The following PDE4DIP variants were observed in gnomAD, a reference collection of about 807,000 sequenced individuals.
PDE4DIP encodes myomegalin.
In PDE4DIP, 59 loss-of-function variants were observed where a neutral mutation model predicts 221.4. That is an observed-to-expected ratio of 0.27 (90% CI 0.22 to 0.33). PDE4DIP has a LOEUF of 0.33. PDE4DIP is among the 10% of genes least tolerant of loss of function. The pLI is 1.00. For missense variants in PDE4DIP, 1,036 were observed against 2,154.2 expected (o/e 0.48, Z 10.28); for synonymous variants, 404 against 815.9 (o/e 0.50, Z 8.60).
chr1:149,001,076 G>A (rs1479844098), intron 23 of PDE4DIP, among the ~76,000 whole-genome samples: 3 of 152,168 alleles, frequency 2.0e-5, no homozygotes, highest in African/African-American at 7.2e-5. Context: ...TATCACGTGA[G>A]CCAGACATAA....
At chr1:148,818,093 C>T (rs1321861746) in intron 1 of PDE4DIP, among the ~76,000 whole-genome samples, 24 of 149,760 alleles carry the variant, frequency 1.6e-4, no homozygotes, top group South Asian at 2.1e-4. Context: ...GGATTACAGG[C>T]GTGAGGCACT....
intron 1 of PDE4DIP, among the ~76,000 whole-genome samples, chr1:148,912,293 G>T (rs2042918618): frequency 6.8e-6 from 1 of 146,620 alleles, no homozygotes; most frequent in Non-Finnish European, 1.5e-5. Flanking sequence ...TTGGCAGTTT[G>T]CATTGCCACT....
chr1:149,013,968 T>G (rs1575392414), intron 32 of PDE4DIP, among the ~76,000 whole-genome samples: 1 of 151,820 alleles, frequency 6.6e-6, no homozygotes, highest in South Asian at 2.1e-4. Flanking sequence ...TTGTATTTTT[T>G]GTAGAGACAG....
In PDE4DIP at chr1:149,018,577, TC is replaced by T; in HGVS notation, c.5688del (p.Ile1897TyrfsTer22). The T allele has an allele frequency of 6.9e-7, 1 of 1,453,858 alleles. No homozygotes were observed. The highest frequency in any genetic ancestry group is 9.7e-7 in the Non-Finnish European group (1 of 1,034,420). The allele number at this position is 1,453,858 out of a possible 1,614,324, so 90.1% of individuals were successfully genotyped here. ...TAACTTCTACAGTCAGGGCCTGGAG[TC>T]CATACCTCAGCTCTGCAATGAGAAC... On this transcript the variant is annotated frameshift_variant, in exon 35 of 44. Transcript: ENST00000369354. LOFTEE classifies it high-confidence loss of function.
chr1:148,985,821 G>A (rs587728523), intron 21 of PDE4DIP: 1 of 152,152 alleles, frequency 6.6e-6, no homozygotes, highest in South Asian at 2.1e-4. Flanking sequence ...ATCAGAAAAT[G>A]TTGTATTTAA....
chr1:149,023,584 TGTC>T lies in PDE4DIP; in HGVS notation c.6086-860_6086-858del, dbSNP rs781996595. On this transcript the variant is annotated intron_variant, in intron 37 of 43. Transcript: ENST00000369354. Reference sequence around the variant, plus strand: ...GTGCATGTATATATATGTGTGTACATGTCATATATGTACATGTATATGTGTGCA... The same window carrying T: ...GTGCATGTATATATATGTGTGTACATATATATGTACATGTATATGTGTGCA... Among the ~76,000 whole-genome samples, 9 of 145,710 alleles carry T rather than the reference TGTC, an allele frequency of 6.2e-5. 1 individual carries two copies. The highest frequency in any genetic ancestry group is 2.1e-4 in the East Asian group (1 of 4,866).
chr1:148,995,862 T>C (rs1553564138), intron 22 of PDE4DIP, among the ~76,000 whole-genome samples: 1 of 129,354 alleles, frequency 7.7e-6, no homozygotes, highest in Non-Finnish European at 1.7e-5. Context: ...TAAAGTATAA[T>C]AATAATAAAA....
chr1:149,012,740 C>G (rs587629236), exon 32 of PDE4DIP: 7 of 1,611,612 alleles, frequency 4.3e-6, no homozygotes, highest in Admixed American at 3.4e-5. Flanking sequence ...TGAGGCTCAG[C>G]AGGAGCTACA....
At chr1:148,934,760 C>A (rs587673008) in intron 4 of PDE4DIP, among the ~76,000 whole-genome samples, 1 of 151,676 alleles carries the variant, frequency 6.6e-6, no homozygotes, top group African/African-American at 2.4e-5. Flanking sequence ...TGCACCACCA[C>A]GCCCAGCTAA....
chr1:148,885,814 A>G (rs1181402487), upstream of PDE4DIP, among the ~76,000 whole-genome samples: 4 of 103,178 alleles, frequency 3.9e-5, no homozygotes, highest in Admixed American at 1.0e-4. Context: ...GTAGTATAAT[A>G]GTATATATAA....
intron 1 of PDE4DIP, among the ~76,000 whole-genome samples, chr1:148,861,393 C>G (rs1553400653): frequency 2.3e-3 from 45 of 19,478 alleles, no homozygotes; most frequent in South Asian, 9.8e-3. Context: ...AACCTCTGCA[C>G]TTTGGGAGGC....
chr1:148,934,145 C>T (rs2048661416), intron 4 of PDE4DIP, among the ~76,000 whole-genome samples: 1 of 150,486 alleles, frequency 6.6e-6, no homozygotes, highest in African/African-American at 2.5e-5. Flanking sequence ...TCTAGTGAAC[C>T]TCACTAAGGC....
intron 20 of PDE4DIP, 145 bp from the exon 24 acceptor site, chr1:148,981,124 CT>C: frequency 1.4e-6 from 1 of 724,572 alleles, no homozygotes; most frequent in Non-Finnish European, 2.4e-6. Flanking sequence ...CACACAAAGA[CT>C]ACATTCATTT....
In PDE4DIP at chr1:148,953,953, C is replaced by G. The variant is rs782102384; in HGVS notation, c.637-6701C>G. The G allele has an allele frequency of 2.9e-6, 4 of 1,370,392 alleles. No homozygotes were observed. In the African/African-American group the frequency reaches 5.9e-5, roughly 20 times the overall value. 84.9% of individuals were successfully genotyped at this position (1,370,392 alleles called of 1,614,324 possible). Reference sequence around the variant, plus strand: ...GCCTTTCTGATTATAGCTAGCTGGCCTCTGGCTTCACGTGATTTCGGTCTA... The same window carrying G: ...GCCTTTCTGATTATAGCTAGCTGGCGTCTGGCTTCACGTGATTTCGGTCTA... On this transcript the variant is annotated intron_variant, in intron 5 of 43. Coordinates refer to ENST00000369354, the Ensembl canonical transcript of PDE4DIP.
intron 9 of PDE4DIP, among the ~76,000 whole-genome samples, chr1:148,963,808 C>T (rs1272502080): frequency 3.7e-5 from 4 of 106,938 alleles, no homozygotes; most frequent in Non-Finnish European, 5.0e-5. Context: ...GGCTGGAGTA[C>T]AGTGGCGCGA....
chr1:148,995,998 T>C (rs2064140141), intron 22 of PDE4DIP, among the ~76,000 whole-genome samples: 1 of 151,806 alleles, frequency 6.6e-6, no homozygotes, highest in African/African-American at 2.4e-5. Context: ...CAAATTAGCC[T>C]GGGGAAAAAT....
intron 30 of PDE4DIP, among the ~76,000 whole-genome samples, chr1:149,010,086 T>A (rs1559314960): frequency 6.6e-6 from 1 of 152,214 alleles, no homozygotes; most frequent in Non-Finnish European, 1.5e-5. Flanking sequence ...GTCAGATAGA[T>A]CTTCTTTAAG....
At chr1:148,986,888 A>T (rs2062005270) in intron 21 of PDE4DIP, among the ~76,000 whole-genome samples, 1 of 152,190 alleles carries the variant, frequency 6.6e-6, no homozygotes, top group East Asian at 1.9e-4. Flanking sequence ...ATTTCTTGAC[A>T]TTACAGAATT....
intron 5 of PDE4DIP, chr1:148,939,668 T>C (rs1464434420): frequency 5.9e-5 from 9 of 152,078 alleles, no homozygotes; most frequent in Admixed American, 5.9e-4. Flanking sequence ...ATGTGGAAAT[T>C]TTCTTAAGGG....
Sources: gnomAD v4.1 joint callset for allele counts (sites outside exome capture counted in the v4.1 genomes callset) on GRCh38, gnomAD v4.1.1 for gene constraint, MANE v1.5 for transcripts, NCBI Gene and HGNC (gene_info 2026-07-23, HGNC 2026-07-21) for gene names.